KIF13A: variants seen among roughly 807,000 people sequenced by gnomAD.
KIF13A encodes kinesin-like protein KIF13A.
A neutral mutation model predicts 212.2 loss-of-function variants in KIF13A; 79 were observed. The ratio of observed to expected loss-of-function variants is 0.37; its 90% CI spans 0.31 to 0.45. KIF13A has a LOEUF of 0.45. Among genes scored for constraint, KIF13A ranks in the 20% least tolerant of loss-of-function variants. The pLI is 1.00. For missense variants in KIF13A, 1,901 were observed against 2,209.0 expected (o/e 0.86, Z 2.79); for synonymous variants, 789 against 808.6 (o/e 0.98, Z 0.41).
At chr6:17,812,011 G>A (rs1763473699) in intron 17 of KIF13A, 1 of 151,434 alleles carries the variant, frequency 6.6e-6, no homozygotes, top group African/African-American at 2.4e-5. Flanking sequence ...ATAGGCATGT[G>A]CCACTGTACC....
chr6:17,884,689 G>C (rs59775334), intron 3 of KIF13A, among the ~76,000 whole-genome samples: 1 of 152,142 alleles, frequency 6.6e-6, no homozygotes, highest in Non-Finnish European at 1.5e-5. Context: ...GCTCTATGTG[G>C]ACTTGCTTTG....
At chr6:17,922,791 T>A (rs1325630192) in intron 2 of KIF13A, among the ~76,000 whole-genome samples, 1 of 151,672 alleles carries the variant, frequency 6.6e-6, no homozygotes, top group African/African-American at 2.4e-5. Context: ...TCTTCTTTTT[T>A]TAATTAAAAA....
chr6:17,882,494 A>G (rs1339191368), intron 3 of KIF13A, among the ~76,000 whole-genome samples: 1 of 152,160 alleles, frequency 6.6e-6, no homozygotes, highest in East Asian at 1.9e-4. Context: ...AGATTTTTGC[A>G]AAGTGAGCCA....
At chr6:17,937,014 C>CA (rs1307609197) in intron 2 of KIF13A, among the ~76,000 whole-genome samples, 2 of 152,112 alleles carry the variant, frequency 1.3e-5, no homozygotes, top group South Asian at 2.1e-4. Context: ...CCTGTCTCCA[C>CA]AAAAAATACA....
intron 4 of KIF13A, among the ~76,000 whole-genome samples, chr6:17,867,242 G>C (rs760452544): frequency 1.2e-4 from 18 of 152,152 alleles, no homozygotes; most frequent in Non-Finnish European, 1.5e-4. Flanking sequence ...GGAACAACTT[G>C]ATAAAGGTGA....
At chr6:17,781,633 T>G (rs1317656243) in intron 29 of KIF13A, among the ~76,000 whole-genome samples, 1 of 148,492 alleles carries the variant, frequency 6.7e-6, no homozygotes, top group Non-Finnish European at 1.5e-5. Context: ...GTTTTTTTTT[T>G]TTTTTTTTTT....
In KIF13A at chr6:17,799,161, T is replaced by TA; in HGVS notation, c.2790+104dup. 1 of 671,368 alleles carries TA rather than the reference T, an allele frequency of 1.5e-6. No homozygotes were observed. The highest frequency in any genetic ancestry group is 2.2e-6 in the Non-Finnish European group (1 of 450,084). 41.6% of individuals were successfully genotyped at this position (671,368 alleles called of 1,614,324 possible). On this transcript the variant is annotated intron_variant, in intron 22 of 38. Transcript: ENST00000259711. This position sits in a 1 kb window ranked among gnomAD's most constrained non-coding sequence, Gnocchi z 4.4. The stretch of plus-strand genomic sequence containing the variant: ...ACATTTTTGAGGTTAAAACATCTAA[T>TA]AAACATATTATACTTAAAACAAATG...
In KIF13A at chr6:17,794,347, C is replaced by T; in HGVS notation, c.3124G>A (p.Gly1042Arg). ...GCTTCAACCATAAGTGGCAGTGTCC[C>T]TGAATGCTGCACAGGTTTCACCGTG... Reference protein sequence around the residue: ...QVTVKPVQHSGTLPLMVEAIL... With the variant: ...QVTVKPVQHSRTLPLMVEAIL... The change falls in exon 25 of 39, where the codon GGG becomes AGG. Residue 1042 changes from glycine to arginine, a missense_variant. By Grantham distance (125) the Gly-to-Arg change is moderately radical. Transcript: ENST00000259711. The surrounding 1 kb of genome is among the most constrained non-coding windows in gnomAD (Gnocchi z 4.1). 6.2e-7 allele frequency: 1 copy of T among 1,613,568 alleles called. No homozygotes were observed. Among genetic ancestry groups the T allele is most frequent in the Non-Finnish European group, 8.5e-7 (1 of 1,179,568 alleles).
rs535025987 is a variant in KIF13A, at chr6:17,763,814, T to G, written c.*296A>C. The G allele has an allele frequency of 5.0e-6, 6 of 1,194,932 alleles. No homozygotes were observed. The highest frequency in any genetic ancestry group is 1.0e-6 in the Non-Finnish European group (1 of 959,740). 74.0% of individuals were successfully genotyped at this position (1,194,932 alleles called of 1,614,324 possible). On this transcript the variant is annotated 3_prime_UTR_variant, in exon 39 of 39. Coordinates refer to ENST00000259711, the MANE Select transcript of KIF13A (RefSeq NM_022113.6). ...ATATGGTAGATGCTACCAGAACACT[T>G]TGGGAAAACTGGTAACTAAACATCC...
chr6:17,784,777 C>T (rs1760905645), intron 28 of KIF13A, among the ~76,000 whole-genome samples: 1 of 152,134 alleles, frequency 6.6e-6, no homozygotes, highest in Non-Finnish European at 1.5e-5. Flanking sequence ...CTACAGGATT[C>T]CAGCACAACA....
At chr6:17,793,892 A>C (rs979926457) in intron 25 of KIF13A, among the ~76,000 whole-genome samples, 23 of 152,086 alleles carry the variant, frequency 1.5e-4, no homozygotes, top group African/African-American at 5.3e-4. Context: ...CCAACCTGGC[A>C]ACAAAGCAAA....
At chr6:17,813,012 T>A (rs1480060260) in intron 17 of KIF13A, among the ~76,000 whole-genome samples, 2 of 152,224 alleles carry the variant, frequency 1.3e-5, no homozygotes, top group African/African-American at 4.8e-5. Flanking sequence ...TCTTTTATAT[T>A]GTTTAGTAAA....
intron 2 of KIF13A, among the ~76,000 whole-genome samples, chr6:17,980,021 T>C (rs745392353): frequency 3.3e-5 from 5 of 152,148 alleles, no homozygotes; most frequent in Admixed American, 6.5e-5. Context: ...AAAGGTCTTA[T>C]TAATGAACTA....
chr6:17,862,240 C>T (rs1768870925), intron 4 of KIF13A, among the ~76,000 whole-genome samples: 1 of 152,114 alleles, frequency 6.6e-6, no homozygotes, highest in Non-Finnish European at 1.5e-5. Flanking sequence ...TGGGAAGGTT[C>T]CCAGTTTATC....
At position 17,856,614 on chromosome 6, in the gene KIF13A, G is replaced by A. The variant is rs1259154060; in HGVS notation, c.221-492C>T. 1.3e-5 allele frequency among the ~76,000 whole-genome samples: 2 copies of A among 152,154 alleles called. No homozygotes were observed. The highest frequency in any genetic ancestry group is 2.9e-5 in the Non-Finnish European group (2 of 68,020). Reference sequence around the variant, plus strand: ...GGATTGACAACTTCAGCTGCTGTTTGTAGATTCACAGGCACCCGTCACCTG... The same window carrying A: ...GGATTGACAACTTCAGCTGCTGTTTATAGATTCACAGGCACCCGTCACCTG... On this transcript the variant is annotated intron_variant, in intron 4 of 38. Transcript: ENST00000259711. The surrounding 1 kb of genome is among the most constrained non-coding windows in gnomAD (Gnocchi z 4.5).
chr6:17,870,557 T>C (rs1213544166), intron 4 of KIF13A, among the ~76,000 whole-genome samples: 1 of 152,064 alleles, frequency 6.6e-6, no homozygotes, highest in East Asian at 1.9e-4. Flanking sequence ...CCAGAAGATA[T>C]GGAAAAGAAA....
Position 17,794,194 on chromosome 6 carries a change from G to T in KIF13A, c.3222+55C>A, listed in dbSNP as rs1174988895. On this transcript the variant is annotated intron_variant, in intron 25 of 38. Transcript: ENST00000259711. This position sits in a 1 kb window ranked among gnomAD's most constrained non-coding sequence, Gnocchi z 4.1. ...GTTATATTGGCAAAGAGGTCCCCCT[G>T]GGACCTGCATTAACCAAGCTTTGTT... is the stretch of plus-strand genomic sequence containing the variant. 1 of 1,423,320 alleles carries T rather than the reference G, an allele frequency of 7.0e-7. No individual in the cohort carries two copies. The highest frequency in any genetic ancestry group is 1.8e-5 in the Admixed American group (1 of 55,166). The allele number at this position is 1,423,320 out of a possible 1,614,324, so 88.2% of individuals were successfully genotyped here. A position where few individuals can be genotyped will look rare whatever the true frequency, so the allele number is the denominator to read the frequency against.
intron 3 of KIF13A, among the ~76,000 whole-genome samples, chr6:17,891,645 C>A (rs897200373): frequency 7.9e-5 from 12 of 152,212 alleles, no homozygotes; most frequent in Non-Finnish European, 1.8e-4. Flanking sequence ...CTCGTCTCAG[C>A]TACTTGGGAG....
At chr6:17,822,857 A>C (rs1034490422) in intron 16 of KIF13A, among the ~76,000 whole-genome samples, 2 of 152,228 alleles carry the variant, frequency 1.3e-5, no homozygotes, top group Admixed American at 6.5e-5. Context: ...ATTCCTCCCA[A>C]TTGGTGGGGA....
Sources: allele counts gnomAD v4.1 joint callset (sites outside exome capture counted in the v4.1 genomes callset), GRCh38; gene constraint gnomAD v4.1.1; non-coding constraint Gnocchi (gnomAD v3.1); transcripts MANE v1.5; gene names NCBI Gene and HGNC (gene_info 2026-07-23, HGNC 2026-07-21).